ADK: variants seen among roughly 807,000 people sequenced by gnomAD.
The protein encoded by ADK is adenosine kinase, also known as N6,N6-dimethyladenosine kinase.
Under a neutral mutation model 44.7 loss-of-function variants are expected in ADK, and 24 were observed. The observed-to-expected ratio is 0.54, with a 90% confidence interval of 0.39 to 0.76. The LOEUF (loss-of-function observed/expected upper bound fraction) is 0.76. ADK is among the 30% of genes least tolerant of loss of function. The pLI is 0.00. For missense variants in ADK, 321 were observed against 425.1 expected, an observed-to-expected ratio of 0.76 and a Z score of 2.15; for synonymous variants, 128 against 142.6, an observed-to-expected ratio of 0.90 and a Z score of 0.73.
chr10:74,568,197 T>C (rs1850764646), intron 7 of ADK, among the ~76,000 whole-genome samples: 1 of 152,176 alleles, frequency 6.6e-6, no homozygotes, highest in Non-Finnish European at 1.5e-5. Flanking sequence ...GTTTGTACAT[T>C]TTATGTGTGG....
intron 4 of ADK, among the ~76,000 whole-genome samples, chr10:74,327,103 C>T (rs1841047866): frequency 6.6e-6 from 1 of 151,626 alleles, no homozygotes; most frequent in Admixed American, 6.6e-5. Flanking sequence ...TTTTTCTAGT[C>T]CCTTGAGGCG....
intron 1 of ADK, among the ~76,000 whole-genome samples, chr10:74,168,524 G>C (rs1842087441): frequency 8.2e-6 from 1 of 122,100 alleles, no homozygotes. Context: ...GGGCGACAGA[G>C]CGAGACTGTC....
At chr10:74,585,032 C>T (rs1851486007) in intron 7 of ADK, among the ~76,000 whole-genome samples, 1 of 152,174 alleles carries the variant, frequency 6.6e-6, no homozygotes, top group African/African-American at 2.4e-5. Context: ...CAAACATGCA[C>T]TTGAGTTTCT....
At chr10:74,700,901 A>C (rs1238343684) in intron 10 of ADK, among the ~76,000 whole-genome samples, 2 of 152,236 alleles carry the variant, frequency 1.3e-5, no homozygotes, top group Non-Finnish European at 1.5e-5. Flanking sequence ...AGCAAACTGA[A>C]AAACATGAAC....
intron 6 of ADK, among the ~76,000 whole-genome samples, chr10:74,416,731 A>G (rs900921693): frequency 5.9e-5 from 9 of 151,778 alleles, no homozygotes; most frequent in Non-Finnish European, 1.2e-4. Context: ...TTCATCTTTC[A>G]AAGTATTTGT....
Position 74,285,900 on chromosome 10 carries a change from G to A in ADK, c.195-28767G>A, listed in dbSNP as rs185636922. ...TAATCCTTTATTTTTTTAATTTACT[G>A]TACTGTACTATGTATTATTGTTAAT... On this transcript the variant is annotated intron_variant, in intron 3 of 10. Coordinates refer to ENST00000539909, the MANE Select transcript of ADK (RefSeq NM_006721.4). 5.3e-4 allele frequency among the ~76,000 whole-genome samples: 80 copies of A among 152,216 alleles called. No homozygotes were observed. In the East Asian group the frequency reaches 7.7e-3, roughly 15 times the overall value.
chr10:74,620,535 T>G (rs1455148055), intron 9 of ADK, among the ~76,000 whole-genome samples: 2 of 152,224 alleles, frequency 1.3e-5, no homozygotes, highest in African/African-American at 4.8e-5. Context: ...ACATTTGGGT[T>G]GATTTCATGT....
rs188751897 is a variant in ADK at position 74,624,976 on chromosome 10, A to T, written c.877+24483A>T. ...AGAACCTCTAATCTCAAGCAGGACA[A>T]GTTGGAGAGGCAAGATACTTATAGA... On this transcript the variant is annotated intron_variant, in intron 9 of 10. Transcript: ENST00000539909. 7.2e-5 allele frequency among the ~76,000 whole-genome samples: 11 copies of T among 152,224 alleles called. No homozygotes were observed. In the East Asian group the frequency reaches 1.9e-3, roughly 27 times the overall value.
chr10:74,226,596 A>C (rs1046079785), intron 3 of ADK, among the ~76,000 whole-genome samples: 1 of 151,180 alleles, frequency 6.6e-6, no homozygotes, highest in African/African-American at 2.4e-5. Context: ...GCTTCTCTCT[A>C]AATATTTCAA....
At chr10:74,556,857 C>T (rs543730266) in intron 7 of ADK, among the ~76,000 whole-genome samples, 96 of 152,218 alleles carry the variant, frequency 6.3e-4, no homozygotes, top group Non-Finnish European at 1.0e-3. Flanking sequence ...CTGGTGGTAT[C>T]AGGCCGTATT....
At chr10:74,585,632 TG>T (rs1311733621) in intron 7 of ADK, among the ~76,000 whole-genome samples, 5 of 152,190 alleles carry the variant, frequency 3.3e-5, no homozygotes, top group Admixed American at 3.3e-4. Flanking sequence ...CCTCCTCCTT[TG>T]TGATTTTTGA....
chr10:74,386,146 G>C (rs1843134032), intron 4 of ADK, among the ~76,000 whole-genome samples: 3 of 152,078 alleles, frequency 2.0e-5, no homozygotes, highest in Admixed American at 2.0e-4. Context: ...ATCTATTTCA[G>C]TTTTGATTTC....
intron 10 of ADK, among the ~76,000 whole-genome samples, chr10:74,676,389 C>T (rs534829617): frequency 6.6e-6 from 1 of 152,198 alleles, no homozygotes; most frequent in Non-Finnish European, 1.5e-5. Context: ...CTCAGCCTCC[C>T]AAAGTGCTGG....
chr10:74,451,854 G>A (rs1159598471), intron 6 of ADK, among the ~76,000 whole-genome samples: 1 of 152,030 alleles, frequency 6.6e-6, no homozygotes, highest in African/African-American at 2.4e-5. Flanking sequence ...TAGAATAGTA[G>A]CAGAACTCAA....
At chr10:74,546,289 A>G (rs1849816104) in intron 7 of ADK, among the ~76,000 whole-genome samples, 1 of 152,198 alleles carries the variant, frequency 6.6e-6, no homozygotes, top group South Asian at 2.1e-4. Context: ...TCAACTAACA[A>G]ATGGAAGATT....
At chr10:74,284,409 C>T (rs1238864350) in intron 3 of ADK, among the ~76,000 whole-genome samples, 5 of 151,952 alleles carry the variant, frequency 3.3e-5, no homozygotes, top group African/African-American at 4.8e-5. Context: ...GGATTACAGA[C>T]GTGTGTCACC....
At chr10:74,294,062 A>C (rs2132490406) in intron 3 of ADK, among the ~76,000 whole-genome samples, 1 of 152,302 alleles carries the variant, frequency 6.6e-6, no homozygotes, top group African/African-American at 2.4e-5. Context: ...TCTTTGGCTC[A>C]TCATTATAAG....
At chr10:74,171,796 C>G (rs1219595732) in intron 1 of ADK, among the ~76,000 whole-genome samples, 2 of 142,696 alleles carry the variant, frequency 1.4e-5, no homozygotes, top group African/African-American at 5.6e-5. Flanking sequence ...CTCTTTCTGT[C>G]TCTCTCTGTC....
chr10:74,574,931 A>G (rs1391917205), intron 7 of ADK, among the ~76,000 whole-genome samples: 1 of 152,236 alleles, frequency 6.6e-6, no homozygotes, highest in Non-Finnish European at 1.5e-5. Context: ...TGTGTGAGGC[A>G]GTTTTAGGAT....
Sources: gnomAD v4.1 joint callset for allele counts (sites outside exome capture counted in the v4.1 genomes callset) on GRCh38, gnomAD v4.1.1 for gene constraint, MANE v1.5 for transcripts, NCBI Gene and HGNC (gene_info 2026-07-23, HGNC 2026-07-21) for gene names.